The following TBC1D2 variants were observed in gnomAD, a reference collection of about 807,000 sequenced individuals.
TBC1D2 encodes the protein TBC1 domain family member 2A.
In TBC1D2, 58 loss-of-function variants were observed where a neutral mutation model predicts 91.1. The ratio of observed to expected loss-of-function variants is 0.64; its 90% CI spans 0.52 to 0.79. The LOEUF (loss-of-function observed/expected upper bound fraction) is 0.79, where lower values mean the gene tolerates loss of function less well. Among genes scored for constraint, TBC1D2 ranks in the 30% least tolerant of loss-of-function variants. TBC1D2 has a pLI of 0.00. For synonymous variants in TBC1D2, 482 were observed against 511.5 expected, an observed-to-expected ratio of 0.94 and a Z score of 0.78; for missense variants, 1,080 against 1,208.3, an observed-to-expected ratio of 0.89 and a Z score of 1.57.
At chr9:98,252,790 G>T (rs887929802) in intron 1 of TBC1D2, among the ~76,000 whole-genome samples, 1 of 152,140 alleles carries the variant, frequency 6.6e-6, no homozygotes, top group Non-Finnish European at 1.5e-5. Flanking sequence ...ACAGCTCACC[G>T]GGCGTGGATG....
At chr9:98,247,728 C>CAAAAAAAAAAAAAAAAA (rs58713846) in intron 2 of TBC1D2, among the ~76,000 whole-genome samples, 2 of 70,846 alleles carry the variant, frequency 2.8e-5, no homozygotes, top group Non-Finnish European at 6.0e-5. Flanking sequence ...GACTCCGTCT[C>CAAAAAAAAAAAAAAAAA]AAAAAAAAAA....
intron 8 of TBC1D2, 49 bp from the exon 9 acceptor site, chr9:98,209,193 G>C (rs1331497974): frequency 1.9e-6 from 3 of 1,561,070 alleles, no homozygotes; most frequent in African/African-American, 2.7e-5. Context: ...CCCTTCCCTA[G>C]ATAAGGGGTG....
rs192015431 is a variant in TBC1D2, at chr9:98,226,275, C to T, written c.978+2677G>A. Among the ~76,000 whole-genome samples, 3 of 152,352 alleles carry T rather than the reference C, an allele frequency of 2.0e-5. No individual in the cohort carries two copies. In the East Asian group the frequency reaches 5.8e-4, roughly 29 times the overall value. On this transcript the variant is annotated intron_variant, in intron 5 of 12. Transcript: ENST00000465784. ...CTGCTATGGCCCCACGGCACATTTC[C>T]TGAAGGCACTGATGGGCTCTCACTT...
At chr9:98,201,703 G>A in intron 10 of TBC1D2, 39 bp from the exon 11 acceptor site, 1 of 1,570,892 alleles carries the variant, frequency 6.4e-7, no homozygotes, top group Admixed American at 1.7e-5. Flanking sequence ...TGCAGCCCCA[G>A]CGTAGGGCTG....
chr9:98,210,515 G>T, intron 8 of TBC1D2, 141 bp downstream of exon 8: 1 of 817,760 alleles, frequency 1.2e-6, no homozygotes, highest in Non-Finnish European at 1.8e-6. Flanking sequence ...CTCAGCTGCA[G>T]CCGCACACTA....
intron 8 of TBC1D2, among the ~76,000 whole-genome samples, chr9:98,210,299 T>G (rs569208510): frequency 6.6e-6 from 1 of 152,198 alleles, no homozygotes; most frequent in Non-Finnish European, 1.5e-5. Context: ...TAACTGCCCA[T>G]GTCCACTGTG....
rs118072495 is a variant in TBC1D2 at position 98,255,017 on chromosome 9, T to C, written c.369+156A>G. 4.6e-5 allele frequency among the ~76,000 whole-genome samples: 7 copies of C among 152,194 alleles called. No individual in the cohort carries two copies. The East Asian group carries it at 1.4e-3, about 29-fold the overall frequency. ...GCCTTGTGGGAACCCAATGAGGAAA[T>C]GGGTGGGAATGCACTTTGCAAAGCA... is the stretch of plus-strand genomic sequence containing the variant. On this transcript the variant is annotated intron_variant, in intron 1 of 12. Transcript: ENST00000465784.
chr9:98,241,638 A>G (rs1035155752), intron 3 of TBC1D2, among the ~76,000 whole-genome samples: 1 of 152,130 alleles, frequency 6.6e-6, no homozygotes, highest in Non-Finnish European at 1.5e-5. Context: ...TGTGGCCTCT[A>G]TCAGGCATGG....
intron 11 of TBC1D2, among the ~76,000 whole-genome samples, chr9:98,201,131 A>G (rs1372487450): frequency 1.3e-5 from 2 of 152,106 alleles, no homozygotes; most frequent in Non-Finnish European, 2.9e-5. Flanking sequence ...AGGTCAGTAC[A>G]GAGCTGGGTC....
At chr9:98,216,988 G>T (rs12554166) in intron 6 of TBC1D2, among the ~76,000 whole-genome samples, 1 of 152,056 alleles carries the variant, frequency 6.6e-6, no homozygotes, top group African/African-American at 2.4e-5. Context: ...GAGCCACCAC[G>T]CTTGGCTACA....
Position 98,233,525 on chromosome 9 carries a change from G to A in TBC1D2, c.672C>T (p.Gly224=). 1 of 1,614,130 alleles carries A rather than the reference G, an allele frequency of 6.2e-7. No homozygotes were observed. Among genetic ancestry groups the A allele is most frequent in the Non-Finnish European group, 8.5e-7 (1 of 1,180,010 alleles). ...GGCCTGTTCCCTGGGCCTGCTTGTT[G>A]CCACGGATGTTGTGCATTGTGTTCC... ...EIQNTMHNIR[G]NKQAQGTGHE... The change falls in exon 4 of 13, where the codon GGC becomes GGT. Residue 224 remains glycine, a synonymous_variant. Transcript: ENST00000465784.
At position 98,199,271 on chromosome 9, in the gene TBC1D2, A is replaced by C. The variant is rs1312206467; in HGVS notation, c.*110T>G. 8.3e-7 allele frequency: 1 copy of C among 1,207,556 alleles called. No homozygotes were observed. Among genetic ancestry groups the C allele is most frequent in the Non-Finnish European group, 1.2e-6 (1 of 839,056 alleles). The allele number at this position is 1,207,556 out of a possible 1,614,324, so 74.8% of individuals were successfully genotyped here. The stretch of plus-strand genomic sequence containing the variant: ...CCAGAGAGGGGAAGGGACATGTCCA[A>C]GGTCACATGGTGATGGGACACCCAG... On this transcript the variant is annotated 3_prime_UTR_variant, in exon 13 of 13. Transcript: ENST00000465784.
chr9:98,240,465 G>T (rs1829612071), intron 3 of TBC1D2, among the ~76,000 whole-genome samples: 1 of 152,144 alleles, frequency 6.6e-6, no homozygotes, highest in Non-Finnish European at 1.5e-5. Context: ...AGAGAATCAT[G>T]ATGATCATGA....
chr9:98,242,177 C>T (rs1829653484), intron 3 of TBC1D2, among the ~76,000 whole-genome samples: 1 of 151,986 alleles, frequency 6.6e-6, no homozygotes, highest in Admixed American at 6.5e-5. Flanking sequence ...CGTGGTGGCT[C>T]ACGTCTGTAA....
chr9:98,215,896 C>T (rs1356553041), intron 6 of TBC1D2, among the ~76,000 whole-genome samples: 1 of 152,194 alleles, frequency 6.6e-6, no homozygotes, highest in African/African-American at 2.4e-5. Context: ...TGGATGCCCA[C>T]ACTCTAGTCC....
chr9:98,241,547 C>T (rs1829636649), intron 3 of TBC1D2, among the ~76,000 whole-genome samples: 1 of 152,224 alleles, frequency 6.6e-6, no homozygotes. Context: ...AGACAAGTTA[C>T]AGGAGGGAAG....
intron 8 of TBC1D2, among the ~76,000 whole-genome samples, chr9:98,209,425 A>T (rs1220025197): frequency 2.6e-5 from 4 of 152,148 alleles, no homozygotes; most frequent in African/African-American, 9.7e-5. Flanking sequence ...TGCCCAAGAG[A>T]TATTTACTAA....
At chr9:98,221,322 G>A (rs186111413) in intron 5 of TBC1D2, 94 bp from the exon 6 acceptor site, 12 of 1,401,074 alleles carry the variant, frequency 8.6e-6, no homozygotes, top group East Asian at 5.0e-5. Flanking sequence ...CCTAACAACC[G>A]TGAGAGGTGC....
chr9:98,230,703 CG>C (rs1564250596), intron 4 of TBC1D2, among the ~76,000 whole-genome samples: 1 of 151,646 alleles, frequency 6.6e-6, no homozygotes. Context: ...GAGGCTGAGG[CG>C]GGTAGATCAC....
Sources: allele counts gnomAD v4.1 joint callset (sites outside exome capture counted in the v4.1 genomes callset), GRCh38; gene constraint gnomAD v4.1.1; transcripts MANE v1.5; gene names NCBI Gene and HGNC (gene_info 2026-07-23, HGNC 2026-07-21).